The following SSH2 variants were observed in gnomAD, a reference collection of about 807,000 sequenced individuals.
SSH2 encodes slingshot protein phosphatase 2.
Under a neutral mutation model 135.2 loss-of-function variants are expected in SSH2, and 37 were observed. That is an observed-to-expected ratio of 0.27 (90% confidence interval 0.21 to 0.36). The LOEUF is 0.36. Among genes scored for constraint, SSH2 ranks in the 10% least tolerant of loss-of-function variants. The pLI, the probability that SSH2 is intolerant of heterozygous loss-of-function variation, is 1.00. For missense variants in SSH2, 1,408 were observed against 1,765.3 expected (o/e 0.80, Z 3.63); for synonymous variants, 628 against 646.2 (o/e 0.97, Z 0.43).
chr17:29,899,929 CAG>C (rs2066515717), intron 1 of SSH2, among the ~76,000 whole-genome samples: 1 of 152,108 alleles, frequency 6.6e-6, no homozygotes, highest in African/African-American at 2.4e-5. Flanking sequence ...GGTACCAAAA[CAG>C]AGATATAGAC....
At chr17:29,761,318 G>C (rs1415585996) in intron 3 of SSH2, 1 of 1,199,524 alleles carries the variant, frequency 8.3e-7, no homozygotes, top group Non-Finnish European at 1.1e-6. Context: ...CCTGGCCTCT[G>C]CTCTGCTCCG....
chr17:29,707,121 C>T (rs1296296147), intron 3 of SSH2: 2 of 151,624 alleles, frequency 1.3e-5, no homozygotes, highest in Non-Finnish European at 2.9e-5. Flanking sequence ...CCACTGCACT[C>T]CCGCCTGGGC....
chr17:29,736,483 G>A (rs1455800983), intron 3 of SSH2, among the ~76,000 whole-genome samples: 4 of 152,130 alleles, frequency 2.6e-5, no homozygotes, highest in Admixed American at 6.5e-5. Context: ...AGGTATAACA[G>A]TTACTATAAA....
At chr17:29,740,358 G>T (rs1293000014) in intron 3 of SSH2, among the ~76,000 whole-genome samples, 1 of 152,106 alleles carries the variant, frequency 6.6e-6, no homozygotes, top group African/African-American at 2.4e-5. Flanking sequence ...CAGTCTCAAA[G>T]AGAGGCAGGC....
chr17:29,693,004 A>AG (rs1460909040), intron 5 of SSH2, among the ~76,000 whole-genome samples: 1 of 152,186 alleles, frequency 6.6e-6, no homozygotes, highest in Non-Finnish European at 1.5e-5. Flanking sequence ...ACTGTTGCCC[A>AG]GGTTGAGGGC....
chr17:29,879,761 C>G (rs1292750497), intron 1 of SSH2, among the ~76,000 whole-genome samples: 2 of 152,148 alleles, frequency 1.3e-5, no homozygotes, highest in Admixed American at 6.5e-5. Flanking sequence ...ATGTGACATC[C>G]ATTTGAGGCT....
In SSH2 at chr17:29,648,203, G is replaced by T; in HGVS notation, c.1368C>A (p.Thr456=). ...YDYVKERRTV[T]KPNPSFMRQL... ...GTCTCATGAAGCTTGGGTTGGGCTT[G>T]GTTACCGTTCGTCTTTCTTTCACAT... is the stretch of plus-strand genomic sequence containing the variant. Residue 456 remains threonine (T), a synonymous_variant, in exon 14 of 16, where the codon ACC becomes ACA. Coordinates refer to ENST00000540801, the MANE Select transcript of SSH2 (RefSeq NM_001282129.2). 6.2e-7 allele frequency: 1 copy of T among 1,614,112 alleles called. No individual in the cohort carries two copies. Among genetic ancestry groups the T allele is most frequent in the South Asian group, 1.1e-5 (1 of 91,078 alleles).
chr17:29,807,442 T>C (rs1034585246), intron 2 of SSH2, among the ~76,000 whole-genome samples: 14 of 152,294 alleles, frequency 9.2e-5, no homozygotes, highest in African/African-American at 2.6e-4. Context: ...AAATAATCAA[T>C]ATACTCACTG....
intron 1 of SSH2, among the ~76,000 whole-genome samples, chr17:29,849,259 C>T (rs187540832): frequency 3.3e-4 from 50 of 151,850 alleles, no homozygotes; most frequent in African/African-American, 1.2e-3. Context: ...GCAGGAGGAT[C>T]ACAAGGTCAG....
intron 3 of SSH2, among the ~76,000 whole-genome samples, chr17:29,753,865 T>A (rs1049641389): frequency 6.6e-6 from 1 of 152,068 alleles, no homozygotes; most frequent in Non-Finnish European, 1.5e-5. Context: ...ATCAAATTTT[T>A]AACATATATA....
chr17:29,719,285 C>T (rs946145397), intron 3 of SSH2, among the ~76,000 whole-genome samples: 2 of 152,146 alleles, frequency 1.3e-5, no homozygotes, highest in African/African-American at 4.8e-5. Flanking sequence ...TCAATGTTCT[C>T]TTTGGGAGTT....
chr17:29,775,398 C>T (rs942188124), intron 3 of SSH2, among the ~76,000 whole-genome samples: 1 of 151,468 alleles, frequency 6.6e-6, no homozygotes, highest in African/African-American at 2.4e-5. Flanking sequence ...AAGTGATCCT[C>T]TTGCCTTAGC....
chr17:29,797,824 G>A (rs1039833149), intron 2 of SSH2, among the ~76,000 whole-genome samples: 2 of 152,164 alleles, frequency 1.3e-5, no homozygotes, highest in Non-Finnish European at 2.9e-5. Context: ...GAAGTTTGAA[G>A]TTGCAGTGAG....
intron 9 of SSH2, among the ~76,000 whole-genome samples, chr17:29,671,345 T>TG (rs1436759144): frequency 1.3e-5 from 2 of 152,000 alleles, no homozygotes; most frequent in African/African-American, 2.4e-5. Flanking sequence ...TAGCCAGGTG[T>TG]GGTGGCACAT....
intron 3 of SSH2, among the ~76,000 whole-genome samples, chr17:29,751,175 G>C (rs923205718): frequency 3.0e-4 from 45 of 152,200 alleles, no homozygotes; most frequent in African/African-American, 8.2e-4. Flanking sequence ...CAGCACTCTG[G>C]GAGGCCGAGG....
chr17:29,776,802 T>C (rs900397652), intron 3 of SSH2: 8 of 152,276 alleles, frequency 5.3e-5, no homozygotes, highest in African/African-American at 1.9e-4. Flanking sequence ...CTCCTGACTA[T>C]GCCTTTTAAA....
chr17:29,810,635 C>A (rs955123631), intron 2 of SSH2, among the ~76,000 whole-genome samples: 1 of 152,202 alleles, frequency 6.6e-6, no homozygotes, highest in African/African-American at 2.4e-5. Flanking sequence ...CTACCTTAAT[C>A]ATACACTAAA....
intron 2 of SSH2, among the ~76,000 whole-genome samples, chr17:29,797,528 A>G (rs867498880): frequency 5.9e-5 from 9 of 152,240 alleles, no homozygotes; most frequent in South Asian, 4.1e-4. Flanking sequence ...ATTCCATCAC[A>G]TGAATATACG....
intron 2 of SSH2, among the ~76,000 whole-genome samples, chr17:29,820,607 T>A (rs1448451372): frequency 6.6e-6 from 1 of 152,234 alleles, no homozygotes. Context: ...ACTCTTATGC[T>A]ATCTACAGTA....
Sources: allele counts gnomAD v4.1 joint callset (sites outside exome capture counted in the v4.1 genomes callset), GRCh38; gene constraint gnomAD v4.1.1; transcripts MANE v1.5; gene names NCBI Gene and HGNC (gene_info 2026-07-23, HGNC 2026-07-21).